NEBL: variants seen among roughly 807,000 people sequenced by gnomAD.
NEBL encodes nebulette.
NEBL carries 122 observed loss-of-function variants against 140.2 expected under a neutral mutation model. That is an observed-to-expected ratio of 0.87 (90% CI 0.75 to 1.01). The LOEUF (loss-of-function observed/expected upper bound fraction) is 1.01. Ranked by LOEUF, NEBL falls within the 50% of genes least tolerant of loss-of-function variation. The probability of loss-of-function intolerance (pLI) is 0.00; values close to 1 mark genes in which losing one functional copy is unlikely to be tolerated. For missense variants in NEBL, 1,365 were observed against 1,231.3 expected (o/e 1.11, Z -1.62); for synonymous variants, 436 against 398.9 (o/e 1.09, Z -1.11).
intron 3 of NEBL, among the ~76,000 whole-genome samples, chr10:20,993,253 G>A (rs368953696): frequency 1.3e-5 from 2 of 152,100 alleles, no homozygotes; most frequent in African/African-American, 4.8e-5. Context: ...TGAAAGTTTT[G>A]CTAGCAAAGG....
intron 2 of NEBL, among the ~76,000 whole-genome samples, chr10:21,057,007 A>G (rs969062969): frequency 6.6e-6 from 1 of 152,130 alleles, no homozygotes. Flanking sequence ...TTTATCAAAT[A>G]AAGTATTATT....
chr10:20,942,364 G>T (rs1834918885), intron 4 of NEBL, among the ~76,000 whole-genome samples: 1 of 152,176 alleles, frequency 6.6e-6, no homozygotes, highest in Non-Finnish European at 1.5e-5. Flanking sequence ...AATAAATGGT[G>T]CTGGGAAAAC....
chr10:21,065,163 A>T (rs988380890), intron 2 of NEBL, among the ~76,000 whole-genome samples: 4 of 152,192 alleles, frequency 2.6e-5, no homozygotes, highest in African/African-American at 9.6e-5. Flanking sequence ...AATGAAAAAA[A>T]TCTCCTTTGG....
At chr10:20,912,738 G>C (rs1848379845) in intron 4 of NEBL, among the ~76,000 whole-genome samples, 1 of 152,078 alleles carries the variant, frequency 6.6e-6, no homozygotes, top group South Asian at 2.1e-4. Flanking sequence ...GTTGTGACTT[G>C]AGATTTCTGA....
Position 20,859,843 on chromosome 10 carries a change from A to C in NEBL, c.685-17T>G. On this transcript the variant is annotated splice_polypyrimidine_tract_variant and intron_variant, in intron 7 of 27. Coordinates refer to ENST00000377122, the MANE Select transcript of NEBL (RefSeq NM_006393.3). ...GTATTTAATCTGTCATAAAAGAGAA[A>C]TAGTACATGTAACTTTACATTTAAA... 1 of 1,166,200 alleles carries C rather than the reference A, an allele frequency of 8.6e-7. No individual in the cohort carries two copies. The allele number at this position is 1,166,200 out of a possible 1,614,324, so 72.2% of individuals were successfully genotyped here.
At chr10:20,792,123 G>GAAAAAAAAA (rs11286684) in intron 26 of NEBL, among the ~76,000 whole-genome samples, 1 of 106,764 alleles carries the variant, frequency 9.4e-6, no homozygotes, top group Non-Finnish European at 2.1e-5. Context: ...ATTCCAAATA[G>GAAAAAAAAA]AAAAAAAAAA....
rs779291374 is a variant in NEBL, at chr10:20,831,333, G to A, written c.1561-27C>T. 3.9e-5 allele frequency: 61 copies of A among 1,573,566 alleles called. No homozygotes were observed. In the East Asian group the frequency reaches 1.3e-3, roughly 33 times the overall value. On this transcript the variant is annotated intron_variant, in intron 15 of 27. Transcript: ENST00000377122. ...TAAAAGAACAGAAAATAATCTTAGA[G>A]CTTTGCTTAAGCTTTAATAGCGATG...
chr10:20,802,241 A>G (rs1486784321), intron 26 of NEBL, among the ~76,000 whole-genome samples: 1 of 152,238 alleles, frequency 6.6e-6, no homozygotes, highest in Non-Finnish European at 1.5e-5. Flanking sequence ...GCAATGAACT[A>G]GAGGCAAACA....
chr10:21,036,775 C>T (rs935226115), intron 2 of NEBL, among the ~76,000 whole-genome samples: 1 of 152,022 alleles, frequency 6.6e-6, no homozygotes, highest in Admixed American at 6.6e-5. Context: ...GTGAACCATC[C>T]GCCTGAGCAT....
At chr10:21,255,073 C>T in intron 1 of NEBL, among the ~76,000 whole-genome samples, 1 of 152,036 alleles carries the variant, frequency 6.6e-6, no homozygotes, top group Non-Finnish European at 1.5e-5. Context: ...TGCAAACCTC[C>T]CTCCGAAGGG....
At chr10:20,936,187 T>C (rs6482154) in intron 4 of NEBL, among the ~76,000 whole-genome samples, 25,139 of 152,200 alleles carry the variant, frequency 0.17, 2,501 homozygotes, top group African/African-American at 0.28. Context: ...CTTTTACTCA[T>C]ATTCTAAGAG....
rs1171307478 is a variant in NEBL at position 20,835,562 on chromosome 10, T to C, written c.1400A>G (p.Asp467Gly). The C allele has an allele frequency of 6.2e-7, 1 of 1,612,932 alleles. No homozygotes were observed. The highest frequency in any genetic ancestry group is 8.5e-7 in the Non-Finnish European group (1 of 1,179,934). ...IKGKGMQAGT[D>G]TLEMQHAKKA... is the part of the protein sequence containing the mutation. ...CTTGGCATGCTGCATTTCAAGGGTG[T>C]CAGTGCCAGCTTGCATTCCTTTCCC... Residue 467 changes from aspartate (D) to glycine (G), a missense_variant, in exon 14 of 28, where the codon GAC becomes GGC. By Grantham distance (94) the Asp-to-Gly change is moderately conservative. This residue lies in a region of NEBL where 1,323 missense variants were observed against 1,154.8 expected (regional missense o/e 1.15). Transcript: ENST00000377122.
At chr10:20,830,062 G>A (rs954337124) in intron 16 of NEBL, among the ~76,000 whole-genome samples, 6 of 152,224 alleles carry the variant, frequency 3.9e-5, no homozygotes, top group South Asian at 2.1e-4. Context: ...CCAAGTTCAC[G>A]AACACTGAGA....
At chr10:20,974,451 G>A (rs1023883542) in intron 3 of NEBL, among the ~76,000 whole-genome samples, 2 of 151,768 alleles carry the variant, frequency 1.3e-5, no homozygotes, top group African/African-American at 4.8e-5. Flanking sequence ...ATGGGGTTTT[G>A]CCATGCTGCT....
In NEBL at chr10:20,845,355, T is replaced by C. The variant is rs373129570; in HGVS notation, c.1130A>G (p.Glu377Gly). 6 of 1,587,374 alleles carry C rather than the reference T, an allele frequency of 3.8e-6. No homozygotes were observed. The African/African-American group carries it at 6.7e-5, about 18-fold the overall frequency. ...TCCTTTAATCTCCTTCTCAAAATCC[T>C]CTTTGTAAACTTTCTGTTAAATAAG... is the stretch of plus-strand genomic sequence containing the variant. ...QKMQSEKVYK[E>G]DFEKEIKGRS... The change falls in exon 12 of 28, where the codon GAG becomes GGG. Residue 377 changes from glutamate (E) to glycine (G), a missense_variant. By Grantham distance (98) the Glu-to-Gly change is moderately conservative. Around this residue, in one of 2 missense-constraint regions of NEBL, gnomAD observed 1,323 missense variants for 1,154.8 expected, o/e 1.15. Transcript: ENST00000377122.
At chr10:20,930,024 G>A (rs1054965028) in intron 4 of NEBL, among the ~76,000 whole-genome samples, 3 of 152,006 alleles carry the variant, frequency 2.0e-5, no homozygotes, top group African/African-American at 7.3e-5. Context: ...CTCATTCCAG[G>A]GTTGTAAATG....
Position 21,051,972 on chromosome 10 carries a change from A to G in NEBL, c.165-31771T>C, listed in dbSNP as rs1589177621. ...CAATCACTGGAGCCCAGGAGTTTGA[A>G]ACCAGCCTGGACAACACAGCAAGGC... is the stretch of plus-strand genomic sequence containing the variant. On this transcript the variant is annotated intron_variant, in intron 2 of 6. Transcript: ENST00000417816. Among the ~76,000 whole-genome samples, 3 of 152,292 alleles carry G rather than the reference A, an allele frequency of 2.0e-5. No individual in the cohort carries two copies. In the East Asian group the frequency reaches 5.8e-4, roughly 29 times the overall value.
intron 3 of NEBL, among the ~76,000 whole-genome samples, chr10:20,964,943 G>C (rs140623942): frequency 5.8e-4 from 89 of 152,272 alleles, no homozygotes; most frequent in African/African-American, 2.0e-3. Flanking sequence ...ACCAGCCCCC[G>C]TGTCCATGTG....
chr10:21,144,691 C>T (rs1839808378), intron 2 of NEBL, among the ~76,000 whole-genome samples: 1 of 152,098 alleles, frequency 6.6e-6, no homozygotes, highest in South Asian at 2.1e-4. Flanking sequence ...CATGTCACTG[C>T]ACTCCAGCCT....
Sources: gnomAD v4.1 joint callset for allele counts (sites outside exome capture counted in the v4.1 genomes callset) on GRCh38, gnomAD v4.1.1 for gene constraint, gnomAD v4.1.1 regional missense constraint, MANE v1.5 for transcripts, NCBI Gene and HGNC (gene_info 2026-07-23, HGNC 2026-07-21) for gene names.